TLL1: variants seen among roughly 807,000 people sequenced by gnomAD.
The protein encoded by TLL1 is tolloid like 1.
A neutral mutation model predicts 128.2 loss-of-function variants in TLL1; 49 were observed. The observed-to-expected ratio is 0.38, with a 90% CI of 0.30 to 0.48. The LOEUF (loss-of-function observed/expected upper bound fraction) is 0.48. Ranked by LOEUF, TLL1 falls within the 20% of genes least tolerant of loss-of-function variation. The pLI, the probability that TLL1 is intolerant of heterozygous loss-of-function variation, is 0.96. For missense variants in TLL1, 1,123 were observed against 1,242.0 expected (o/e 0.90, Z 1.44); for synonymous variants, 454 against 418.8 (o/e 1.08, Z -1.03).
intron 9 of TLL1, chr4:166,030,319 T>G: frequency 2.5e-6 from 1 of 399,224 alleles, no homozygotes; most frequent in Non-Finnish European, 4.4e-6. Context: ...TGTAGAAATA[T>G]TTATTCAAGT....
At chr4:166,007,504 A>G (rs902373009) in intron 6 of TLL1, among the ~76,000 whole-genome samples, 3 of 151,642 alleles carry the variant, frequency 2.0e-5, no homozygotes, top group East Asian at 3.9e-4. Flanking sequence ...ATCTTCTCCT[A>G]TTGTTTCATA....
At chr4:165,908,431 AAATTATCCAGGT>A (rs1732371112) in intron 1 of TLL1, among the ~76,000 whole-genome samples, 1 of 152,016 alleles carries the variant, frequency 6.6e-6, no homozygotes, top group Non-Finnish European at 1.5e-5. Context: ...TCTGTACTAA[AAATTATCCAGGT>A]GCGGTGACAT....
chr4:166,008,097 G>A, intron 7 of TLL1, 49 bp downstream of exon 7: 2 of 1,370,550 alleles, frequency 1.5e-6, no homozygotes, highest in Non-Finnish European at 2.1e-6. Flanking sequence ...TTTCCTCCAT[G>A]TGGCTCCTCA....
chr4:165,962,133 CAAG>C (rs1561057579), intron 1 of TLL1, among the ~76,000 whole-genome samples: 1 of 152,038 alleles, frequency 6.6e-6, no homozygotes, highest in Non-Finnish European at 1.5e-5. Context: ...ACAGAGTAAA[CAAG>C]AAGCTTATGG....
At chr4:165,992,624 C>A (rs1039441927) in intron 2 of TLL1, among the ~76,000 whole-genome samples, 180 bp from the exon 3 acceptor site, 1 of 152,042 alleles carries the variant, frequency 6.6e-6, no homozygotes, top group South Asian at 2.1e-4. Flanking sequence ...ATTTTAGTTA[C>A]CAACATTGGT....
intron 5 of TLL1, among the ~76,000 whole-genome samples, chr4:165,996,347 G>A (rs1209749759): frequency 2.0e-5 from 3 of 152,174 alleles, no homozygotes; most frequent in Admixed American, 6.5e-5. Context: ...GGTGGCTCAC[G>A]CCTGTAATCC....
At chr4:165,981,078 A>G (rs1736127670) in intron 1 of TLL1, among the ~76,000 whole-genome samples, 1 of 152,058 alleles carries the variant, frequency 6.6e-6, no homozygotes, top group Admixed American at 6.6e-5. Flanking sequence ...CACATGAGAG[A>G]GTAACCAATA....
chr4:165,875,752 T>C (rs760128283), intron 1 of TLL1, among the ~76,000 whole-genome samples: 1 of 152,192 alleles, frequency 6.6e-6, no homozygotes, highest in Non-Finnish European at 1.5e-5. Flanking sequence ...AAGGTAGAGA[T>C]GAAGTACATT....
intron 19 of TLL1, among the ~76,000 whole-genome samples, chr4:166,098,025 C>T (rs569426321): frequency 3.9e-4 from 60 of 152,090 alleles, no homozygotes; most frequent in Middle Eastern, 6.8e-3. Context: ...TATTTAATCT[C>T]CAGTAATTAA....
intron 1 of TLL1, among the ~76,000 whole-genome samples, chr4:165,901,002 A>G (rs899116673): frequency 7.4e-6 from 1 of 135,482 alleles, no homozygotes; most frequent in East Asian, 2.8e-4. Flanking sequence ...TCAACCTCTG[A>G]TATTTTTTCT....
chr4:166,058,338 C>A (rs1372266350), intron 14 of TLL1, among the ~76,000 whole-genome samples: 1 of 152,090 alleles, frequency 6.6e-6, no homozygotes, highest in African/African-American at 2.4e-5. Flanking sequence ...AGGTATATCT[C>A]CCTTATTAAA....
rs749438722 is a variant in TLL1, at chr4:166,043,267, T to G, written c.1379-7T>G. The G allele has an allele frequency of 1.2e-6, 2 of 1,614,100 alleles. No individual in the cohort carries two copies. The highest frequency in any genetic ancestry group is 2.2e-5 in the South Asian group (2 of 91,088). ...TAGTTATTTGTTTATTTTTTGGCTT[T>G]CTTCAGCGATCTGTGGAGGTGAGAT... On this transcript the variant is annotated splice_region_variant and splice_polypyrimidine_tract_variant and intron_variant, in intron 11 of 20. Coordinates refer to ENST00000061240, the MANE Select transcript of TLL1 (RefSeq NM_012464.5).
intron 1 of TLL1, among the ~76,000 whole-genome samples, chr4:165,899,887 G>A (rs1002635216): frequency 6.6e-6 from 1 of 151,984 alleles, no homozygotes; most frequent in Non-Finnish European, 1.5e-5. Flanking sequence ...AGAACTTTAT[G>A]AATCTGGGTG....
chr4:165,919,982 T>C (rs1732972767), intron 1 of TLL1: 1 of 349,872 alleles, frequency 2.9e-6, no homozygotes, highest in Non-Finnish European at 5.7e-6. Context: ...CCTTCAGTGA[T>C]TGAGGTCTGT....
intron 1 of TLL1, among the ~76,000 whole-genome samples, chr4:165,977,041 T>C (rs569433188): frequency 4.3e-4 from 65 of 152,336 alleles, no homozygotes; most frequent in Non-Finnish European, 8.1e-4. Flanking sequence ...AAGAGATATT[T>C]AATCTTTAAC....
At chr4:165,892,843 A>C (rs966498790) in intron 1 of TLL1, among the ~76,000 whole-genome samples, 6 of 152,186 alleles carry the variant, frequency 3.9e-5, no homozygotes, top group African/African-American at 9.6e-5. Flanking sequence ...TATTATGTTC[A>C]TTCTTTGTTA....
chr4:165,885,710 C>T (rs984315640), intron 1 of TLL1, among the ~76,000 whole-genome samples: 45 of 151,974 alleles, frequency 3.0e-4, no homozygotes, highest in African/African-American at 9.9e-4. Context: ...GTTGTTCAGT[C>T]GGATGTTTTT....
chr4:165,997,440 C>G (rs187963152), intron 5 of TLL1, among the ~76,000 whole-genome samples: 26 of 152,242 alleles, frequency 1.7e-4, no homozygotes, highest in Admixed American at 1.6e-3. Flanking sequence ...TAAATCAATT[C>G]TATTTCTAAC....
chr4:166,003,855 C>A lies in TLL1; in HGVS notation c.811+286C>A, dbSNP rs193018771. ...CCAAGAATGAGTGTGAGCTATTGAG[C>A]CATAAATTAATATTATTAAATATTT... On this transcript the variant is annotated intron_variant, in intron 6 of 20. Coordinates refer to ENST00000061240, the MANE Select transcript of TLL1 (RefSeq NM_012464.5). Among the ~76,000 whole-genome samples the A allele has an allele frequency of 1.1e-3, 167 of 151,886 alleles. 1 individual carries two copies. Among genetic ancestry groups the A allele is most frequent in the African/African-American group, 3.8e-3 (157 of 41,454 alleles).
Sources: gnomAD v4.1 joint callset for allele counts (sites outside exome capture counted in the v4.1 genomes callset) on GRCh38, gnomAD v4.1.1 for gene constraint, MANE v1.5 for transcripts, NCBI Gene and HGNC (gene_info 2026-07-23, HGNC 2026-07-21) for gene names.